TUBB3: variants seen among roughly 807,000 people sequenced by gnomAD.
The protein encoded by TUBB3 is tubulin beta-3 chain.
A neutral mutation model predicts 37.8 loss-of-function variants in TUBB3; 17 were observed. The observed-to-expected ratio is 0.45, with a 90% CI of 0.31 to 0.67. TUBB3 has a LOEUF of 0.67. Among genes scored for constraint, TUBB3 ranks in the 30% least tolerant of loss-of-function variants. TUBB3 has a pLI of 0.07. For missense variants in TUBB3, 262 were observed against 657.9 expected (o/e 0.40, Z 6.58); for synonymous variants, 332 against 278.9 (o/e 1.19, Z -1.90).
At chr16:89,927,350 A>C (rs942550676) in intron 1 of TUBB3, among the ~76,000 whole-genome samples, 1 of 152,088 alleles carries the variant, frequency 6.6e-6, no homozygotes, top group Admixed American at 6.6e-5. Flanking sequence ...ATGCCCCTGC[A>C]TTCTAGCCTG....
chr16:89,930,968 C>A (rs1381962173), intron 1 of TUBB3, among the ~76,000 whole-genome samples: 1 of 152,058 alleles, frequency 6.6e-6, no homozygotes, highest in Non-Finnish European at 1.5e-5. Context: ...GCTGGGACTA[C>A]AGGCACCCGC....
At position 89,935,284 on chromosome 16, in the gene TUBB3, G is replaced by A; in HGVS notation, c.833G>A (p.Ser278Asn). Residue 278 changes from serine to asparagine, a missense_variant, in exon 4 of 4, where the codon AGC becomes AAC. By Grantham distance (46) the Ser-to-Asn change is conservative (BLOSUM62 1). This residue lies in a region of TUBB3 where 165 missense variants were observed against 556.8 expected (regional missense o/e 0.30). Transcript: ENST00000315491. ...TTCGCCCCCCTCACAGCCCGGGGCA[G>A]CCAGCAGTACCGGGCCCTGACCGTG... ...PGFAPLTARG[S>N]QQYRALTVPE... The A allele has an allele frequency of 6.2e-7, 1 of 1,613,728 alleles. No individual in the cohort carries two copies. The highest frequency in any genetic ancestry group is 8.5e-7 in the Non-Finnish European group (1 of 1,179,960).
At chr16:89,928,769 C>T (rs952260374) in intron 1 of TUBB3, among the ~76,000 whole-genome samples, 21 of 152,162 alleles carry the variant, frequency 1.4e-4, no homozygotes, top group Non-Finnish European at 2.6e-4. Context: ...CATGATCCGC[C>T]CACCTCGGCC....
intron 1 of TUBB3, among the ~76,000 whole-genome samples, chr16:89,927,549 A>G (rs936759200): frequency 1.3e-5 from 2 of 152,206 alleles, no homozygotes; most frequent in African/African-American, 4.8e-5. Context: ...AAGTGGGAAC[A>G]AATTTCTTTT....
chr16:89,923,013 C>T (rs780966763), upstream of TUBB3, among the ~76,000 whole-genome samples: 3 of 152,228 alleles, frequency 2.0e-5, no homozygotes, highest in Non-Finnish European at 2.9e-5. Context: ...AGGGCGGAAC[C>T]GAGAGGGTAG....
At chr16:89,932,175 C>G (rs2030302085) in intron 1 of TUBB3, 2 of 334,648 alleles carry the variant, frequency 6.0e-6, no homozygotes, top group Admixed American at 4.2e-5. Flanking sequence ...GTGTCTCTAC[C>G]CGCTCTGTGT....
At chr16:89,926,913 C>G (rs1047546860) in intron 1 of TUBB3, among the ~76,000 whole-genome samples, 1 of 151,498 alleles carries the variant, frequency 6.6e-6, no homozygotes, top group Non-Finnish European at 1.5e-5. Context: ...GATGGGGTTT[C>G]TCCATCTTGG....
intron 1 of TUBB3, among the ~76,000 whole-genome samples, 179 bp downstream of exon 1, chr16:89,923,637 C>T (rs1029211856): frequency 6.6e-6 from 1 of 152,174 alleles, no homozygotes; most frequent in Non-Finnish European, 1.5e-5. Flanking sequence ...TCGCCTGCAC[C>T]TCTCTGCCCC....
chr16:89,923,488 G>C, intron 1 of TUBB3, 30 bp downstream of exon 1: 1 of 1,418,374 alleles, frequency 7.1e-7, no homozygotes, highest in South Asian at 1.4e-5. Context: ...CCTGTCCCGG[G>C]CCCCGGGGCG....
Position 89,934,822 on chromosome 16 carries a change from G to A in TUBB3, c.371G>A (p.Cys124Tyr). The change falls in exon 4 of 4, where the codon TGT becomes TAT. Residue 124 changes from cysteine to tyrosine, a missense_variant. Transcript: ENST00000315491. ...GTCCTGGATGTGGTGCGGAAGGAGT[G>A]TGAAAACTGCGACTGCCTGCAGGGC... ...DSVLDVVRKE[C>Y]ENCDCLQGFQ... 6.2e-7 allele frequency: 1 copy of A among 1,614,176 alleles called. No homozygotes were observed. Among genetic ancestry groups the A allele is most frequent in the Non-Finnish European group, 8.5e-7 (1 of 1,180,024 alleles).
At chr16:89,929,658 C>T (rs903454450) in intron 1 of TUBB3, among the ~76,000 whole-genome samples, 3 of 152,226 alleles carry the variant, frequency 2.0e-5, no homozygotes. Flanking sequence ...TTCCACACAT[C>T]TACCAGAGGC....
chr16:89,931,372 T>C (rs1447613832), intron 1 of TUBB3, among the ~76,000 whole-genome samples: 1 of 152,236 alleles, frequency 6.6e-6, no homozygotes, highest in African/African-American at 2.4e-5. Context: ...CATCTAAAAG[T>C]CACTCCTGAG....
chr16:89,925,902 G>A (rs1413404506), intron 1 of TUBB3, among the ~76,000 whole-genome samples: 1 of 152,222 alleles, frequency 6.6e-6, no homozygotes, highest in East Asian at 1.9e-4. Flanking sequence ...ACGCGGCAGC[G>A]CGGACGACTC....
chr16:89,922,360 A>T (rs954463047), upstream of TUBB3: 1 of 152,350 alleles, frequency 6.6e-6, no homozygotes, highest in East Asian at 1.9e-4. Context: ...TTACTGAAGT[A>T]TCAGAAGGCC....
At position 89,933,593 on chromosome 16, in the gene TUBB3, C is replaced by T; in HGVS notation, c.277+15C>T. On this transcript the variant is annotated intron_variant, in intron 3 of 3. Coordinates refer to ENST00000315491, the MANE Select transcript of TUBB3 (RefSeq NM_006086.4). ...TTTCATCTTTGGTAAGTTCCCCCTGCTCCAAGCTCTGATGGCAGACCCCAT... is the reference window on the plus strand; with the variant it reads ...TTTCATCTTTGGTAAGTTCCCCCTGTTCCAAGCTCTGATGGCAGACCCCAT... 1.2e-6 allele frequency: 2 copies of T among 1,601,920 alleles called. No homozygotes were observed. The highest frequency in any genetic ancestry group is 1.7e-6 in the Non-Finnish European group (2 of 1,168,894).
intron 1 of TUBB3, among the ~76,000 whole-genome samples, chr16:89,931,216 C>T (rs1247289283): frequency 6.6e-6 from 1 of 152,196 alleles, no homozygotes; most frequent in Non-Finnish European, 1.5e-5. Flanking sequence ...CGTCAGCCTC[C>T]CAAAGTGCTG....
chr16:89,931,795 C>T (rs1026957066), intron 1 of TUBB3: 24 of 350,008 alleles, frequency 6.9e-5, no homozygotes, highest in African/African-American at 4.4e-4. Context: ...AGGCTCCGCT[C>T]GGCAGCTGTC....
In TUBB3 at chr16:89,933,471, A is replaced by G. The variant is rs761094494; in HGVS notation, c.170A>G (p.His57Arg). The G allele has an allele frequency of 1.2e-6, 2 of 1,613,728 alleles. No individual in the cohort carries two copies. Among genetic ancestry groups the G allele is most frequent in the South Asian group, 1.1e-5 (1 of 91,078 alleles). ...ISVYYNEASS[H>R]KYVPRAILVD... The stretch of plus-strand genomic sequence containing the variant: ...CCGAGCCCCTCTCTCCCCTCAGCTC[A>G]CAAGTACGTGCCTCGAGCCATTCTG... The change falls in exon 3 of 4, where the codon CAC becomes CGC. Residue 57 changes from histidine (H) to arginine (R), a missense_variant. Around this residue, in one of 3 missense-constraint regions of TUBB3, gnomAD observed 165 missense variants for 556.8 expected, o/e 0.30. Coordinates refer to ENST00000315491, the MANE Select transcript of TUBB3 (RefSeq NM_006086.4).
intron 2 of TUBB3, 88 bp from the exon 3 acceptor site, chr16:89,933,380 A>G (rs1293143688): frequency 1.6e-5 from 17 of 1,083,662 alleles, no homozygotes; most frequent in Non-Finnish European, 2.3e-5. Flanking sequence ...GAGCAGGAGG[A>G]TGGCAGGCGG....
Sources: allele counts gnomAD v4.1 joint callset (sites outside exome capture counted in the v4.1 genomes callset), GRCh38; gene constraint gnomAD v4.1.1; regional missense constraint gnomAD v4.1.1; transcripts MANE v1.5; gene names NCBI Gene and HGNC (gene_info 2026-07-23, HGNC 2026-07-21).